Variants in GNAQ observed in about 807,000 individuals in gnomAD.
The protein encoded by GNAQ is guanine nucleotide-binding protein G(q) subunit alpha.
A neutral mutation model predicts 43.9 loss-of-function variants in GNAQ; 8 were observed. The ratio of observed to expected loss-of-function variants is 0.18; its 90% CI spans 0.11 to 0.33. The LOEUF (loss-of-function observed/expected upper bound fraction) is 0.33. Ranked by LOEUF, GNAQ falls within the 10% of genes least tolerant of loss-of-function variation. The pLI is 1.00. For synonymous variants in GNAQ, 155 were observed against 170.7 expected (o/e 0.91, Z 0.71); for missense variants, 158 against 450.8 (o/e 0.35, Z 5.88).
intron 1 of GNAQ, among the ~76,000 whole-genome samples, chr9:77,984,659 T>C (rs1454827588): frequency 1.1e-4 from 16 of 152,292 alleles, no homozygotes; most frequent in Non-Finnish European, 1.6e-4. Flanking sequence ...ATTCCCTTGG[T>C]ATAACATTAT....
chr9:77,719,728 C>T lies in GNAQ; in HGVS notation c.*1595G>A, dbSNP rs1246947384. ...GCTGCTTGACAGAAGCTTGTCAATA[C>T]ATGTGCTGTATTTTTTTTGCATTTG... On this transcript the variant is annotated 3_prime_UTR_variant, in exon 7 of 7. Coordinates refer to ENST00000286548, the MANE Select transcript of GNAQ (RefSeq NM_002072.5). The T allele has an allele frequency of 4.3e-6, 1 of 232,724 alleles. No homozygotes were observed. Among genetic ancestry groups the T allele is most frequent in the Non-Finnish European group, 8.5e-6 (1 of 117,804 alleles). 14.4% of individuals were successfully genotyped at this position (232,724 alleles called of 1,614,324 possible).
intron 6 of GNAQ, among the ~76,000 whole-genome samples, chr9:77,726,205 G>A (rs566858578): frequency 4.6e-5 from 7 of 152,264 alleles, no homozygotes; most frequent in South Asian, 2.1e-4. Context: ...ATTTGTTTCC[G>A]GGCTAGTGCA....
In GNAQ at chr9:77,975,180, T is replaced by C. The variant is rs1458183562; in HGVS notation, c.137-52835A>G. 2.0e-5 allele frequency among the ~76,000 whole-genome samples: 3 copies of C among 152,152 alleles called. No individual in the cohort carries two copies. The East Asian group carries it at 5.8e-4, about 29-fold the overall frequency. On this transcript the variant is annotated intron_variant, in intron 1 of 6. Transcript: ENST00000286548. ...ACTTTTTTGGTGACCCAGGATTAAG[T>C]GGGATAAAAAATTGTATTGCAGCAA...
rs903086238 is a variant in GNAQ, at chr9:77,717,270, T to C, written c.*4053A>G. ...ACCTTATTTGTATCAATTGAGATGTTGATTACCAATTAAGTGGTTTTAAAC... is the reference window on the plus strand; with the variant it reads ...ACCTTATTTGTATCAATTGAGATGTCGATTACCAATTAAGTGGTTTTAAAC... On this transcript the variant is annotated 3_prime_UTR_variant, in exon 7 of 7. Transcript: ENST00000286548. 1 of 232,376 alleles carries C rather than the reference T, an allele frequency of 4.3e-6. No homozygotes were observed. Among genetic ancestry groups the C allele is most frequent in the African/African-American group, 2.2e-5 (1 of 45,312 alleles). The allele number at this position is 232,376 out of a possible 1,614,324, so 14.4% of individuals were successfully genotyped here.
At chr9:77,883,798 TTG>T (rs1219974041) in intron 2 of GNAQ, among the ~76,000 whole-genome samples, 22 of 152,170 alleles carry the variant, frequency 1.4e-4, no homozygotes, top group Admixed American at 1.4e-3. Flanking sequence ...CACCCTATCT[TTG>T]CTTCCTCCAC....
intron 1 of GNAQ, among the ~76,000 whole-genome samples, chr9:78,019,302 A>G (rs892301419): frequency 2.0e-5 from 3 of 152,206 alleles, no homozygotes; most frequent in Non-Finnish European, 4.4e-5. Context: ...CGTGATCTGG[A>G]TAACATCTTA....
intron 6 of GNAQ, among the ~76,000 whole-genome samples, chr9:77,723,683 T>C (rs990407141): frequency 6.6e-6 from 1 of 152,160 alleles, no homozygotes; most frequent in Non-Finnish European, 1.5e-5. Context: ...AAACCCAACA[T>C]AAAATAACAA....
intron 2 of GNAQ, among the ~76,000 whole-genome samples, chr9:77,895,967 C>G (rs1040101290): frequency 1.5e-4 from 23 of 152,116 alleles, no homozygotes; most frequent in African/African-American, 5.6e-4. Context: ...AATAAAAGCT[C>G]TTTCTTTTGT....
intron 5 of GNAQ, among the ~76,000 whole-genome samples, chr9:77,748,251 C>T (rs1825760356): frequency 6.6e-6 from 1 of 152,196 alleles, no homozygotes; most frequent in South Asian, 2.1e-4. Flanking sequence ...TCTCATTTCT[C>T]TTTAGGTAGT....
chr9:78,004,821 C>T (rs1823685862), intron 1 of GNAQ, among the ~76,000 whole-genome samples: 1 of 151,816 alleles, frequency 6.6e-6, no homozygotes, highest in Non-Finnish European at 1.5e-5. Flanking sequence ...GAGGAAAAAG[C>T]ATCCTAGGGG....
At chr9:77,817,782 A>G (rs1290260110) in intron 2 of GNAQ, among the ~76,000 whole-genome samples, 1 of 152,226 alleles carries the variant, frequency 6.6e-6, no homozygotes, top group Admixed American at 6.5e-5. Context: ...ACATACGCAC[A>G]TGAGCGATGC....
At chr9:77,727,938 A>T (rs1323996525) in intron 6 of GNAQ, among the ~76,000 whole-genome samples, 1 of 152,156 alleles carries the variant, frequency 6.6e-6, no homozygotes, top group African/African-American at 2.4e-5. Flanking sequence ...TTAATACACA[A>T]TTGGTCAAAA....
chr9:77,877,729 G>A (rs1394625502), intron 2 of GNAQ, among the ~76,000 whole-genome samples: 1 of 152,154 alleles, frequency 6.6e-6, no homozygotes, highest in African/African-American at 2.4e-5. Context: ...TAACAGGAAT[G>A]ACCCATTTTT....
chr9:77,717,829 T>C lies in GNAQ; in HGVS notation c.*3494A>G, dbSNP rs3802499. 1,318 of 232,592 alleles carry C rather than the reference T, an allele frequency of 5.7e-3. 47 individuals are homozygous for C. The East Asian group carries it at 0.072, about 13-fold the overall frequency. The allele number at this position is 232,592 out of a possible 1,614,324, so 14.4% of individuals were successfully genotyped here. A position where few individuals can be genotyped will look rare whatever the true frequency, so the allele number is the denominator to read the frequency against. ...TATGCAGGTTCTTAAAATTTTTTTTTCCAGTCTATTCATGACATTCAACAG... is the reference window on the plus strand; with the variant it reads ...TATGCAGGTTCTTAAAATTTTTTTTCCCAGTCTATTCATGACATTCAACAG... On this transcript the variant is annotated 3_prime_UTR_variant, in exon 7 of 7. Transcript: ENST00000286548.
chr9:77,974,848 A>G (rs1284751382), intron 1 of GNAQ, among the ~76,000 whole-genome samples: 4 of 152,254 alleles, frequency 2.6e-5, no homozygotes, highest in Non-Finnish European at 5.9e-5. Context: ...ATAATGATTC[A>G]TACAAAATAC....
intron 2 of GNAQ, among the ~76,000 whole-genome samples, chr9:77,852,732 G>C (rs1363298800): frequency 2.0e-5 from 3 of 152,172 alleles, no homozygotes; most frequent in East Asian, 3.8e-4. Flanking sequence ...GCAGGCTGCT[G>C]AGATCACTCA....
chr9:77,806,879 G>A (rs1200164444), intron 3 of GNAQ, among the ~76,000 whole-genome samples: 1 of 152,144 alleles, frequency 6.6e-6, no homozygotes, highest in Admixed American at 6.5e-5. Flanking sequence ...ATAAATAACC[G>A]TAATACAATG....
chr9:78,023,784 G>C (rs150199739), intron 1 of GNAQ, among the ~76,000 whole-genome samples: 2 of 151,780 alleles, frequency 1.3e-5, no homozygotes, highest in Admixed American at 1.3e-4. Context: ...TTTTCCAAAG[G>C]GAAAAAAAAT....
chr9:77,965,165 C>A (rs1823151172), intron 1 of GNAQ, among the ~76,000 whole-genome samples: 2 of 152,044 alleles, frequency 1.3e-5, no homozygotes, highest in South Asian at 2.1e-4. Flanking sequence ...TGAGTAATTT[C>A]AATCACAACA....
Sources: gnomAD v4.1 joint callset for allele counts (sites outside exome capture counted in the v4.1 genomes callset) on GRCh38, gnomAD v4.1.1 for gene constraint, MANE v1.5 for transcripts, NCBI Gene and HGNC (gene_info 2026-07-23, HGNC 2026-07-21) for gene names.